Variants in MLIP observed in about 807,000 individuals in gnomAD.
MLIP encodes the protein muscular LMNA interacting protein, also known as muscular LMNA-interacting protein.
A neutral mutation model predicts 84.8 loss-of-function variants in MLIP; 79 were observed. The ratio of observed to expected loss-of-function variants is 0.93; its 90% CI spans 0.78 to 1.12. MLIP has a LOEUF of 1.12. MLIP is among the 50% of genes most tolerant of loss of function. The pLI is 0.00. For synonymous variants in MLIP, 504 were observed against 463.0 expected (o/e 1.09, Z -1.14); for missense variants, 1,257 against 1,160.6 (o/e 1.08, Z -1.21).
At position 54,124,667 on chromosome 6, in the gene MLIP, A is replaced by C; in HGVS notation, c.447A>C (p.Glu149Asp). The change falls in exon 3 of 14, where the codon GAA becomes GAC. Residue 149 changes from glutamate (E) to aspartate (D), a missense_variant. By Grantham distance (45) the Glu-to-Asp change is conservative. Coordinates refer to ENST00000502396, the MANE Select transcript of MLIP (RefSeq NM_001281747.2). ...EYVLIVDSEGEDEAASRKVEQ... is the reference protein window; with the variant it reads ...EYVLIVDSEGDDEAASRKVEQ... ...TCCTTATTGTGGACTCCGAAGGGGA[A>C]GATGAGGCTGCAAGCAGAAAAGTTG... The C allele has an allele frequency of 6.2e-7, 1 of 1,614,230 alleles. No homozygotes were observed. The highest frequency in any genetic ancestry group is 8.5e-7 in the Non-Finnish European group (1 of 1,180,028).
At chr6:54,091,404 C>T (rs377716751) in intron 1 of MLIP, among the ~76,000 whole-genome samples, 1 of 152,016 alleles carries the variant, frequency 6.6e-6, no homozygotes, top group Admixed American at 6.6e-5. Flanking sequence ...ACTATCTTTT[C>T]CTATTGAGTT....
chr6:54,065,442 C>A (rs1483547132), intron 1 of MLIP, among the ~76,000 whole-genome samples: 1 of 100,150 alleles, frequency 1.0e-5, no homozygotes, highest in African/African-American at 2.6e-5. Context: ...GGGATTTGCA[C>A]CAAGGATAAA....
intron 1 of MLIP, among the ~76,000 whole-genome samples, chr6:54,049,813 T>A (rs1329883376): frequency 2.6e-5 from 4 of 152,206 alleles, no homozygotes; most frequent in Admixed American, 2.6e-4. Flanking sequence ...AATCATTAAA[T>A]AGTTTTGGAA....
intron 12 of MLIP, among the ~76,000 whole-genome samples, chr6:54,238,185 G>A (rs1376337675): frequency 1.3e-5 from 2 of 151,894 alleles, no homozygotes; most frequent in Non-Finnish European, 2.9e-5. Flanking sequence ...TTCTTCCTAG[G>A]CACCATAAGT....
At chr6:54,189,212 A>G (rs1030801925) in intron 9 of MLIP, among the ~76,000 whole-genome samples, 1 of 152,194 alleles carries the variant, frequency 6.6e-6, no homozygotes, top group Non-Finnish European at 1.5e-5. Flanking sequence ...AGCCAACAAT[A>G]CTGTATTATG....
intron 13 of MLIP, among the ~76,000 whole-genome samples, chr6:54,262,669 T>A (rs1468488221): frequency 2.0e-5 from 3 of 152,040 alleles, no homozygotes; most frequent in Non-Finnish European, 4.4e-5. Flanking sequence ...GGTTCTCAAG[T>A]CCTTGAAAGA....
chr6:54,216,468 C>T, intron 11 of MLIP: 6 of 985,346 alleles, frequency 6.1e-6, no homozygotes, highest in Non-Finnish European at 6.0e-6. Flanking sequence ...TTTCTTTTCC[C>T]TTGAGTGTAC....
chr6:54,040,888 G>T (rs1020552923), intron 1 of MLIP, among the ~76,000 whole-genome samples: 1 of 152,044 alleles, frequency 6.6e-6, no homozygotes, highest in African/African-American at 2.4e-5. Context: ...CATAAAGACA[G>T]GAATAATAAG....
intron 12 of MLIP, among the ~76,000 whole-genome samples, chr6:54,254,417 A>G (rs1243564931): frequency 6.6e-6 from 1 of 151,718 alleles, no homozygotes; most frequent in Non-Finnish European, 1.5e-5. Context: ...GAGCCACCAC[A>G]CCCAGTCAGT....
At chr6:54,043,204 C>T (rs1179354499) in intron 1 of MLIP, 1 of 152,208 alleles carries the variant, frequency 6.6e-6, no homozygotes, top group Non-Finnish European at 1.5e-5. Flanking sequence ...TGGGTATAGC[C>T]TGAGGCCGTC....
intron 11 of MLIP, 58 bp downstream of exon 11, chr6:54,202,291 T>G (rs200252331): frequency 8.1e-5 from 1 of 12,330 alleles, no homozygotes; most frequent in Non-Finnish European, 4.6e-4. Context: ...ATATATAAAA[T>G]ATATATAAAT....
chr6:54,242,842 C>G (rs904416665), intron 12 of MLIP, among the ~76,000 whole-genome samples: 1 of 152,132 alleles, frequency 6.6e-6, no homozygotes, highest in South Asian at 2.1e-4. Context: ...TTACCAAAAC[C>G]TTGACTAATT....
intron 12 of MLIP, among the ~76,000 whole-genome samples, chr6:54,248,296 T>C (rs1422336573): frequency 6.6e-6 from 1 of 152,196 alleles, no homozygotes; most frequent in Non-Finnish European, 1.5e-5. Flanking sequence ...CCTGTAGTAC[T>C]AAGTAATGAA....
chr6:54,137,967 G>A lies in MLIP; in HGVS notation c.1898G>A (p.Gly633Asp). Residue 633 changes from glycine to aspartate, a missense_variant, in exon 4 of 14, where the codon GGC (glycine) becomes GAC (aspartate). Physicochemically the swap from Gly to Asp is moderately conservative, Grantham distance 94 (BLOSUM62 -1). Transcript: ENST00000502396. ...RSKRASSQLS[G>D]QELNPSALPS... The stretch of plus-strand genomic sequence containing the variant: ...AAAAGAGCATCATCCCAACTATCTG[G>A]CCAGGAGCTGAATCCTTCAGCTCTT... 1 of 1,535,950 alleles carries A rather than the reference G, an allele frequency of 6.5e-7. No individual in the cohort carries two copies.
chr6:54,049,219 G>T (rs1459392454), intron 1 of MLIP, among the ~76,000 whole-genome samples: 1 of 152,224 alleles, frequency 6.6e-6, no homozygotes, highest in East Asian at 1.9e-4. Context: ...TAATCTCTGT[G>T]GGTGGGGCCC....
At chr6:54,125,485 A>G (rs1254663169) in intron 3 of MLIP, among the ~76,000 whole-genome samples, 9 of 152,194 alleles carry the variant, frequency 5.9e-5, no homozygotes, top group African/African-American at 1.9e-4. Flanking sequence ...GGTTCTTTTA[A>G]GGTAGAGAGA....
At chr6:54,049,509 C>A (rs777758443) in intron 1 of MLIP, among the ~76,000 whole-genome samples, 32 of 152,060 alleles carry the variant, frequency 2.1e-4, no homozygotes, top group Non-Finnish European at 3.7e-4. Flanking sequence ...AATAGTACTC[C>A]TTCATCACCC....
chr6:54,187,181 A>T (rs894718084), intron 9 of MLIP, among the ~76,000 whole-genome samples: 3 of 152,176 alleles, frequency 2.0e-5, no homozygotes, highest in African/African-American at 7.2e-5. Context: ...GAGGCAATAA[A>T]ATGGTAACTG....
At chr6:54,260,967 C>T (rs1266422374) in intron 13 of MLIP, among the ~76,000 whole-genome samples, 1 of 151,794 alleles carries the variant, frequency 6.6e-6, no homozygotes, top group Non-Finnish European at 1.5e-5. Context: ...CAGATGAGAT[C>T]TGTAAATAAT....
Sources: gnomAD v4.1 joint callset for allele counts (sites outside exome capture counted in the v4.1 genomes callset) on GRCh38, gnomAD v4.1.1 for gene constraint, MANE v1.5 for transcripts, NCBI Gene and HGNC (gene_info 2026-07-23, HGNC 2026-07-21) for gene names.